Variants in JADE1 observed in about 807,000 individuals in gnomAD.
JADE1 encodes the protein protein Jade-1.
In JADE1, 14 loss-of-function variants were observed where a neutral mutation model predicts 81.8. That is an observed-to-expected ratio of 0.17 (90% CI 0.11 to 0.27). JADE1 has a LOEUF of 0.27. Ranked by LOEUF, JADE1 falls within the 10% of genes least tolerant of loss-of-function variation. The probability of loss-of-function intolerance (pLI) is 1.00; values close to 1 mark genes in which losing one functional copy is unlikely to be tolerated. For missense variants in JADE1, 690 were observed against 1,047.9 expected (o/e 0.66, Z 4.71); for synonymous variants, 353 against 391.9 (o/e 0.90, Z 1.17).
chr4:128,837,931 T>C (rs1320944908), intron 2 of JADE1, among the ~76,000 whole-genome samples: 2 of 152,228 alleles, frequency 1.3e-5, no homozygotes, highest in African/African-American at 4.8e-5. Flanking sequence ...GAACCTTTCA[T>C]GCATGGCACA....
chr4:128,840,357 C>G (rs1729326634), intron 2 of JADE1, among the ~76,000 whole-genome samples: 1 of 152,194 alleles, frequency 6.6e-6, no homozygotes, highest in Non-Finnish European at 1.5e-5. Context: ...CCTCTTCTCC[C>G]TACTTCATGT....
intron 5 of JADE1, among the ~76,000 whole-genome samples, chr4:128,851,649 G>T (rs959419547): frequency 6.6e-6 from 1 of 152,130 alleles, no homozygotes; most frequent in African/African-American, 2.4e-5. Context: ...GGCCCTCAGA[G>T]ATGGATGCAT....
chr4:128,861,614 A>G (rs1731336654), intron 8 of JADE1, 90 bp from the exon 9 acceptor site: 1 of 1,390,192 alleles, frequency 7.2e-7, no homozygotes, highest in Non-Finnish European at 9.9e-7. Flanking sequence ...TTCTCTGTGC[A>G]TGTGTACATG....
intron 10 of JADE1, among the ~76,000 whole-genome samples, chr4:128,870,293 A>G (rs1328577500): frequency 6.6e-6 from 1 of 151,888 alleles, no homozygotes; most frequent in African/African-American, 2.4e-5. Flanking sequence ...GTCGCTAGCT[A>G]TGTTTCATTT....
intron 1 of JADE1, among the ~76,000 whole-genome samples, chr4:128,821,580 C>T (rs532489503): frequency 2.0e-5 from 3 of 151,464 alleles, no homozygotes; most frequent in South Asian, 2.1e-4. Flanking sequence ...CTGCAACCTC[C>T]GCCTCCTGGG....
At chr4:128,866,167 A>G (rs1210141751) in intron 9 of JADE1, among the ~76,000 whole-genome samples, 2 of 152,216 alleles carry the variant, frequency 1.3e-5, no homozygotes, top group Non-Finnish European at 2.9e-5. Context: ...TCTTGGATTG[A>G]GGGTGTGCAG....
chr4:128,819,287 T>TGG (rs952407274), intron 1 of JADE1, among the ~76,000 whole-genome samples: 5 of 151,444 alleles, frequency 3.3e-5, no homozygotes, highest in Admixed American at 6.6e-5. Context: ...GTTTTTTTTT[T>TGG]GGGGGGCAGG....
In JADE1 at chr4:128,872,190, G is replaced by A. The variant is rs753334086; in HGVS notation, c.2457G>A (p.Lys819=). Residue 819 remains lysine (K), a synonymous_variant, in exon 11 of 11, where the codon AAG becomes AAA. Transcript: ENST00000226319. ...MSDSESEASE[K]KCIHTSSTIS... is the part of the protein sequence containing the mutation. ...ACTCAGAGAGTGAGGCATCAGAAAAGAAATGTATACACACCAGCAGCACTA... is the reference window on the plus strand; with the variant it reads ...ACTCAGAGAGTGAGGCATCAGAAAAAAAATGTATACACACCAGCAGCACTA... 1 of 1,614,172 alleles carries A rather than the reference G, an allele frequency of 6.2e-7. No individual in the cohort carries two copies. Among genetic ancestry groups the A allele is most frequent in the Non-Finnish European group, 8.5e-7 (1 of 1,180,022 alleles).
Position 128,844,794 on chromosome 4 carries a change from G to T in JADE1, c.139-1581G>T, listed in dbSNP as rs149466471. ...AATAGGTCTTTAGAAATGAAGAGTG[G>T]CATACTGGGGAATAGTCCGTATGGA... On this transcript the variant is annotated intron_variant, in intron 3 of 10. Transcript: ENST00000226319. 7.2e-3 allele frequency among the ~76,000 whole-genome samples: 1,095 copies of T among 152,236 alleles called. 9 individuals carry two copies. The highest frequency in any genetic ancestry group is 0.025 in the African/African-American group (1,051 of 41,522).
intron 8 of JADE1, among the ~76,000 whole-genome samples, chr4:128,860,534 T>G (rs189929357): frequency 6.6e-6 from 1 of 152,324 alleles, no homozygotes; most frequent in African/African-American, 2.4e-5. Flanking sequence ...AGCCGCTGGA[T>G]TCTACAGCTC....
intron 1 of JADE1, among the ~76,000 whole-genome samples, chr4:128,828,818 A>AT (rs922863040): frequency 1.3e-5 from 2 of 152,032 alleles, no homozygotes; most frequent in Admixed American, 6.6e-5. Context: ...TAATTTTTAA[A>AT]TTTTTTTATA....
At chr4:128,826,904 T>C (rs1728129554) in intron 1 of JADE1, among the ~76,000 whole-genome samples, 1 of 152,240 alleles carries the variant, frequency 6.6e-6, no homozygotes, top group South Asian at 2.1e-4. Flanking sequence ...GGCTTCTCTT[T>C]GTATTATTGT....
intron 1 of JADE1, chr4:128,811,330 C>G (rs975098242): frequency 4.6e-5 from 7 of 152,216 alleles, no homozygotes; most frequent in Admixed American, 4.6e-4. Context: ...AGGTGCACGG[C>G]ACCCGCCAGT....
At position 128,850,464 on chromosome 4, in the gene JADE1, G is replaced by T. The variant is rs114121225; in HGVS notation, c.484+1297G>T. Among the ~76,000 whole-genome samples, 1,040 of 152,318 alleles carry T rather than the reference G, an allele frequency of 6.8e-3. 8 individuals are homozygous for T. The highest frequency in any genetic ancestry group is 0.021 in the South Asian group (103 of 4,828). On this transcript the variant is annotated intron_variant, in intron 5 of 10. Transcript: ENST00000226319. ...ATTAGGCTCACCACCTGTTGAATGG[G>T]AGTGATAATGTAGACTGAGCTGAGC...
intron 6 of JADE1, among the ~76,000 whole-genome samples, chr4:128,855,248 CGAGGACTTACT>C (rs1471954109): frequency 6.6e-6 from 1 of 152,196 alleles, no homozygotes; most frequent in Non-Finnish European, 1.5e-5. Context: ...TGGAGTGTTT[CGAGGACTTACT>C]GAGGACTTAC....
At chr4:128,869,010 A>G (rs1360907155) in intron 10 of JADE1, among the ~76,000 whole-genome samples, 2 of 152,208 alleles carry the variant, frequency 1.3e-5, no homozygotes, top group Middle Eastern at 3.2e-3. Context: ...ACAGAGAACA[A>G]AGAAGTTGTT....
chr4:128,840,146 T>G (rs1383718897), intron 2 of JADE1, among the ~76,000 whole-genome samples: 1 of 152,174 alleles, frequency 6.6e-6, no homozygotes, highest in Non-Finnish European at 1.5e-5. Flanking sequence ...ATGAAAGCAG[T>G]CCTAGGAAAA....
At position 128,872,507 on chromosome 4, in the gene JADE1, C is replaced by A; in HGVS notation, c.*245C>A. 2.1e-6 allele frequency: 1 copy of A among 467,148 alleles called. No homozygotes were observed. The highest frequency in any genetic ancestry group is 3.8e-6 in the Non-Finnish European group (1 of 262,950). The allele number at this position is 467,148 out of a possible 1,614,324, so 28.9% of individuals were successfully genotyped here. ...CCATAAGACACTGCTAAGACTAGAA[C>A]CCGAACTGAACACTAAAATAAAAAT... On this transcript the variant is annotated 3_prime_UTR_variant, in exon 11 of 11. Coordinates refer to ENST00000226319, the MANE Select transcript of JADE1 (RefSeq NM_199320.4).
Position 128,848,905 on chromosome 4 carries a change from T to C in JADE1, c.297-75T>C, listed in dbSNP as rs17013813. The C allele has an allele frequency of 6.3e-3, 9,189 of 1,452,078 alleles. 237 individuals are homozygous for C. The African/African-American group carries it at 0.075, about 12-fold the overall frequency. The allele number at this position is 1,452,078 out of a possible 1,614,324, so 89.9% of individuals were successfully genotyped here. Reference sequence around the variant, plus strand: ...CTCTAAGGGTTGGAAGAGGAAGACATTTGGGGCCTTGTGGCACACTTCATT... The same window carrying C: ...CTCTAAGGGTTGGAAGAGGAAGACACTTGGGGCCTTGTGGCACACTTCATT... On this transcript the variant is annotated intron_variant, in intron 4 of 10. Coordinates refer to ENST00000226319, the MANE Select transcript of JADE1 (RefSeq NM_199320.4).
Sources: gnomAD v4.1 joint callset for allele counts (sites outside exome capture counted in the v4.1 genomes callset) on GRCh38, gnomAD v4.1.1 for gene constraint, MANE v1.5 for transcripts, NCBI Gene and HGNC (gene_info 2026-07-23, HGNC 2026-07-21) for gene names.